The following ABR variants were observed in gnomAD, a reference collection of about 807,000 sequenced individuals.
The protein encoded by ABR is active breakpoint cluster region-related protein.
A neutral mutation model predicts 107.2 loss-of-function variants in ABR; 35 were observed. The observed-to-expected ratio is 0.33, with a 90% CI of 0.25 to 0.43. ABR has a LOEUF of 0.43. Among genes scored for constraint, ABR ranks in the 20% least tolerant of loss-of-function variants. ABR has a pLI of 1.00. For missense variants in ABR, 815 were observed against 1,115.2 expected (o/e 0.73, Z 3.83); for synonymous variants, 498 against 462.0 (o/e 1.08, Z -1.00).
chr17:1,107,548 T>C (rs1390078368), intron 2 of ABR, among the ~76,000 whole-genome samples: 1 of 152,200 alleles, frequency 6.6e-6, no homozygotes, highest in Non-Finnish European at 1.5e-5. Flanking sequence ...AGGCAGCCTC[T>C]GAGTGGGCCC....
intron 1 of ABR, among the ~76,000 whole-genome samples, chr17:1,227,730 C>T (rs1472908111): frequency 6.6e-6 from 1 of 152,144 alleles, no homozygotes; most frequent in East Asian, 1.9e-4. Context: ...GTGCTGCTTT[C>T]CGCGTGGCTG....
At chr17:1,182,896 G>C (rs1223286898), upstream of ABR, among the ~76,000 whole-genome samples, 1 of 152,180 alleles carries the variant, frequency 6.6e-6, no homozygotes, top group Non-Finnish European at 1.5e-5. Flanking sequence ...GCTTCCAGTA[G>C]ATGTTAACAC....
At chr17:1,153,272 C>T (rs1530372) in intron 1 of ABR, among the ~76,000 whole-genome samples, 48,174 of 151,086 alleles carry the variant, frequency 0.32, 9,007 homozygotes, top group East Asian at 0.53. Context: ...ATGGGCCTGG[C>T]GTGGCCCCCT....
chr17:1,113,277 GATTTTTTTTTT>G (rs2038807278), intron 2 of ABR, among the ~76,000 whole-genome samples: 2 of 88,172 alleles, frequency 2.3e-5, no homozygotes, highest in African/African-American at 5.1e-5. Flanking sequence ...CACCTATTGC[GATTTTTTTTTT>G]TTTTTTTTTT....
chr17:1,091,316 C>T lies in ABR; in HGVS notation c.531+349G>A, dbSNP rs529449776. On this transcript the variant is annotated intron_variant, in intron 4 of 22. Coordinates refer to ENST00000302538, the MANE Select transcript of ABR (RefSeq NM_021962.5). ...GAGAGGGAGCACCGTCCGGGAAAGA[C>T]GGAGCACCCTCCGGGAGGGAGAAGG... Among the ~76,000 whole-genome samples the T allele has an allele frequency of 4.3e-3, 646 of 151,962 alleles. 8 individuals carry two copies. Among genetic ancestry groups the T allele is most frequent in the African/African-American group, 0.014 (590 of 41,428 alleles).
At position 1,148,057 on chromosome 17, in the gene ABR, T is replaced by C. The variant is rs2040628387; in HGVS notation, c.62-22690A>G. ...GACCCACCCACTCTCCCCAGGCTGG[T>C]CAATGGGCCCACCCCACGGTAAGCT... On this transcript the variant is annotated intron_variant, in intron 1 of 22. Transcript: ENST00000302538. The surrounding 1 kb of genome is among the most constrained non-coding windows in gnomAD (Gnocchi z 4.9). Among the ~76,000 whole-genome samples, 1 of 152,142 alleles carries C rather than the reference T, an allele frequency of 6.6e-6. No individual in the cohort carries two copies. Among genetic ancestry groups the C allele is most frequent in the Non-Finnish European group, 1.5e-5 (1 of 68,022 alleles).
At chr17:1,145,299 T>C (rs1402172711) in intron 1 of ABR, among the ~76,000 whole-genome samples, 1 of 152,210 alleles carries the variant, frequency 6.6e-6, no homozygotes, top group African/African-American at 2.4e-5. Flanking sequence ...GGCCAGGAAG[T>C]CCTTCTGACA....
rs563558848 is a variant in ABR, at chr17:1,200,307, T to G, written c.838+28486A>C. Among the ~76,000 whole-genome samples, 3 of 152,226 alleles carry G rather than the reference T, an allele frequency of 2.0e-5. No individual in the cohort carries two copies. The East Asian group carries it at 5.8e-4, about 29-fold the overall frequency. ...ACTCACGCCTGTAATCCCAACACTT[T>G]CGGACGATCGCTTGAAGCCAGGAGT... On this transcript the variant is annotated intron_variant, in intron 1 of 22. Transcript: ENST00000574139. The surrounding 1 kb of genome is among the most constrained non-coding windows in gnomAD (Gnocchi z 4.1).
intron 3 of ABR, among the ~76,000 whole-genome samples, chr17:1,100,372 G>A (rs903227820): frequency 1.3e-5 from 2 of 152,220 alleles, no homozygotes; most frequent in African/African-American, 4.8e-5. Flanking sequence ...TGCCAGGGTC[G>A]TGGGTGACAG....
In ABR at chr17:1,134,771, G is replaced by A. The variant is rs554631040; in HGVS notation, c.62-9404C>T. 3.3e-5 allele frequency among the ~76,000 whole-genome samples: 5 copies of A among 152,358 alleles called. No individual in the cohort carries two copies. The East Asian group carries it at 9.7e-4, about 29-fold the overall frequency. On this transcript the variant is annotated intron_variant, in intron 1 of 22. Transcript: ENST00000302538. Reference sequence around the variant, plus strand: ...GAAGACAGTTCATCGCTGTGGCTGAGAGCAGGGACCCTGCGGTCCGGCAGC... The same window carrying A: ...GAAGACAGTTCATCGCTGTGGCTGAAAGCAGGGACCCTGCGGTCCGGCAGC...
intron 2 of ABR, among the ~76,000 whole-genome samples, chr17:1,116,843 G>A (rs915107509): frequency 6.6e-6 from 1 of 152,182 alleles, no homozygotes; most frequent in Admixed American, 6.5e-5. Context: ...TCTCTTTGCA[G>A]CAGGGACCCA....
upstream of ABR, among the ~76,000 whole-genome samples, chr17:1,184,399 G>A (rs58322204): frequency 0.066 from 10,024 of 151,972 alleles, 487 homozygotes; most frequent in East Asian, 0.13. Flanking sequence ...AGCTTGCAGT[G>A]AGCTGAGATC....
chr17:1,211,439 A>C (rs1175253603), intron 1 of ABR, among the ~76,000 whole-genome samples: 1 of 152,208 alleles, frequency 6.6e-6, no homozygotes, highest in Non-Finnish European at 1.5e-5. Flanking sequence ...TCTGACTTGC[A>C]GTCAGTCCTT....
intron 1 of ABR, among the ~76,000 whole-genome samples, chr17:1,195,586 C>G (rs559571291): frequency 5.3e-5 from 8 of 149,892 alleles, no homozygotes; most frequent in African/African-American, 2.0e-4. Flanking sequence ...GGGTGGATCA[C>G]GAGGTCAGGA....
intron 1 of ABR, among the ~76,000 whole-genome samples, chr17:1,205,341 T>C (rs1259950569): frequency 1.3e-5 from 2 of 152,156 alleles, no homozygotes; most frequent in Admixed American, 6.6e-5. Flanking sequence ...AATGAAACAG[T>C]GCACAAATGA....
intron 6 of ABR, among the ~76,000 whole-genome samples, chr17:1,076,299 A>T (rs2035703163): frequency 6.6e-6 from 1 of 152,144 alleles, no homozygotes; most frequent in African/African-American, 2.4e-5. Flanking sequence ...AGCTTGAAGG[A>T]ATGAGGCCAG....
chr17:1,038,112 T>TCCA (rs921613353), intron 16 of ABR, among the ~76,000 whole-genome samples: 17 of 152,250 alleles, frequency 1.1e-4, no homozygotes, highest in African/African-American at 4.1e-4. Flanking sequence ...CACCTGCTTT[T>TCCA]CCACCACCCC....
chr17:1,038,252 T>C (rs921602541), intron 16 of ABR, among the ~76,000 whole-genome samples: 1 of 152,082 alleles, frequency 6.6e-6, no homozygotes, highest in African/African-American at 2.4e-5. Context: ...CAGCAGCTCC[T>C]AGAGGCAGTT....
chr17:1,082,420 A>G (rs1462299372), intron 5 of ABR, among the ~76,000 whole-genome samples: 1 of 152,010 alleles, frequency 6.6e-6, no homozygotes, highest in Non-Finnish European at 1.5e-5. Flanking sequence ...GAGCAGAAGC[A>G]CGCGTGTTCC....
Sources: gnomAD v4.1 joint callset for allele counts (sites outside exome capture counted in the v4.1 genomes callset) on GRCh38, gnomAD v4.1.1 for gene constraint, Gnocchi (gnomAD v3.1) non-coding constraint, MANE v1.5 for transcripts, NCBI Gene and HGNC (gene_info 2026-07-23, HGNC 2026-07-21) for gene names.